SLCO3A1: variants seen among roughly 807,000 people sequenced by gnomAD.
SLCO3A1 encodes PGE1 transporter.
Under a neutral mutation model 63.1 loss-of-function variants are expected in SLCO3A1, and 27 were observed. That is an observed-to-expected ratio of 0.43 (90% confidence interval 0.32 to 0.59). The LOEUF (loss-of-function observed/expected upper bound fraction) is 0.59. SLCO3A1 is among the 20% of genes least tolerant of loss of function. SLCO3A1 has a pLI of 0.09. For synonymous variants in SLCO3A1, 473 were observed against 409.9 expected, an observed-to-expected ratio of 1.15 and a Z score of -1.86; for missense variants, 773 against 945.8, an observed-to-expected ratio of 0.82 and a Z score of 2.40.
chr15:92,099,589 A>G (rs755142699), intron 3 of SLCO3A1, among the ~76,000 whole-genome samples: 30 of 151,880 alleles, frequency 2.0e-4, no homozygotes, highest in Non-Finnish European at 3.5e-4. Context: ...GTTTAACTGT[A>G]TTTCCAGTGA....
At chr15:91,937,672 T>C (rs2151395721) in intron 2 of SLCO3A1, among the ~76,000 whole-genome samples, 1 of 143,608 alleles carries the variant, frequency 7.0e-6, no homozygotes, top group East Asian at 2.1e-4. Context: ...TGAGCCAAGA[T>C]CATGCTACTA....
Position 91,916,105 on chromosome 15 carries a change from A to G in SLCO3A1, c.293A>G (p.Tyr98Cys), listed in dbSNP as rs1898646529. 1.2e-6 allele frequency: 2 copies of G among 1,611,988 alleles called. No homozygotes were observed. Among genetic ancestry groups the G allele is most frequent in the Non-Finnish European group, 1.7e-6 (2 of 1,179,750 alleles). ...GNLALILFVS[Y>C]FGARGHRPRL... ...CTGGCGCTCATCCTCTTCGTGAGCT[A>G]CTTCGGGGCACGCGGGCACCGGCCG... The change falls in exon 2 of 10, where the codon TAC (tyrosine) becomes TGC (cysteine). Residue 98 changes from tyrosine (Y) to cysteine (C), a missense_variant. Physicochemically the swap from Tyr to Cys is radical, Grantham distance 194. Coordinates refer to ENST00000318445, the MANE Select transcript of SLCO3A1 (RefSeq NM_013272.4). This position sits in a 1 kb window ranked among gnomAD's most constrained non-coding sequence, Gnocchi z 6.2.
At chr15:92,061,064 C>G (rs2047080914) in intron 2 of SLCO3A1, among the ~76,000 whole-genome samples, 1 of 152,218 alleles carries the variant, frequency 6.6e-6, no homozygotes, top group South Asian at 2.1e-4. Context: ...CATATTTTGA[C>G]ATCCACAGTA....
At chr15:92,075,196 C>T (rs1160513411) in intron 2 of SLCO3A1, among the ~76,000 whole-genome samples, 2 of 152,184 alleles carry the variant, frequency 1.3e-5, no homozygotes, top group South Asian at 2.1e-4. Flanking sequence ...TGGAGGGAAA[C>T]TTGGTGCTTA....
In SLCO3A1 at chr15:92,030,285, A is replaced by G. The variant is rs78039823; in HGVS notation, c.647-64596A>G. On this transcript the variant is annotated intron_variant, in intron 2 of 9. Coordinates refer to ENST00000318445, the MANE Select transcript of SLCO3A1 (RefSeq NM_013272.4). ...GATTATGAATTGATGCTTTTCTTAG[A>G]TGAATACCAAGAGAAAAGAACTTTA... is the stretch of plus-strand genomic sequence containing the variant. 6.7e-4 allele frequency among the ~76,000 whole-genome samples: 102 copies of G among 152,240 alleles called. 3 individuals carry two copies. In the East Asian group the frequency reaches 0.014, roughly 21 times the overall value.
At chr15:91,880,127 G>GTCCATCCA (rs1393276571) in intron 1 of SLCO3A1, among the ~76,000 whole-genome samples, 22 of 124,168 alleles carry the variant, frequency 1.8e-4, no homozygotes, top group Admixed American at 1.3e-3. Context: ...CCGTCCGTCC[G>GTCCATCCA]TCCGTCCATC....
chr15:92,121,668 G>A lies in SLCO3A1; in HGVS notation c.1174+1039G>A, dbSNP rs567993228. 6.6e-5 allele frequency among the ~76,000 whole-genome samples: 10 copies of A among 152,218 alleles called. No homozygotes were observed. In the East Asian group the frequency reaches 9.6e-4, roughly 15 times the overall value. ...TTGAGGACATCGGAGTGGAATTTAC[G>A]TAGGAAAAAATGTGTAGAGTTAAAA... is the stretch of plus-strand genomic sequence containing the variant. On this transcript the variant is annotated intron_variant, in intron 5 of 9. Transcript: ENST00000318445.
At chr15:92,004,507 A>C (rs189163971) in intron 2 of SLCO3A1, among the ~76,000 whole-genome samples, 1 of 152,364 alleles carries the variant, frequency 6.6e-6, no homozygotes, top group Non-Finnish European at 1.5e-5. Context: ...CAGCATTAGA[A>C]GAGTAGATGC....
At chr15:92,008,258 C>G (rs1235512290) in intron 2 of SLCO3A1, among the ~76,000 whole-genome samples, 1 of 152,150 alleles carries the variant, frequency 6.6e-6, no homozygotes, top group Admixed American at 6.5e-5. Context: ...AAAACCTGGA[C>G]CCAGCAAGTG....
At chr15:92,035,463 TAAG>T (rs2046713745) in intron 2 of SLCO3A1, among the ~76,000 whole-genome samples, 1 of 151,816 alleles carries the variant, frequency 6.6e-6, no homozygotes, top group South Asian at 2.1e-4. Flanking sequence ...TTATTAATTC[TAAG>T]AAGACTCTTG....
At chr15:92,098,095 G>A (rs951973756) in intron 3 of SLCO3A1, 7 of 152,386 alleles carry the variant, frequency 4.6e-5, no homozygotes, top group African/African-American at 7.2e-5. Context: ...AATTTGTGGG[G>A]AAGGAGCAAG....
chr15:92,039,707 A>G (rs914448722), intron 2 of SLCO3A1, among the ~76,000 whole-genome samples: 5 of 152,222 alleles, frequency 3.3e-5, no homozygotes, highest in African/African-American at 1.2e-4. Flanking sequence ...CAGCAATCCC[A>G]TTACTGGGTA....
intron 2 of SLCO3A1, among the ~76,000 whole-genome samples, chr15:92,023,473 C>CTT (rs542071331): frequency 7.0e-6 from 1 of 143,680 alleles, no homozygotes; most frequent in African/African-American, 2.5e-5. Flanking sequence ...AATTTTTTTT[C>CTT]TTTTTTTTTT....
At position 91,968,089 on chromosome 15, in the gene SLCO3A1, C is replaced by T. The variant is rs1451726502; in HGVS notation, c.646+51631C>T. ...CCCTGCCTAGTCGCCCTGGAAAGTA[C>T]CCAGGGAAGCCACTTACGGCCTATC... On this transcript the variant is annotated intron_variant, in intron 2 of 9. Coordinates refer to ENST00000318445, the MANE Select transcript of SLCO3A1 (RefSeq NM_013272.4). The surrounding 1 kb of genome is among the most constrained non-coding windows in gnomAD (Gnocchi z 4.2). Among the ~76,000 whole-genome samples, 1 of 152,108 alleles carries T rather than the reference C, an allele frequency of 6.6e-6. No individual in the cohort carries two copies. Among genetic ancestry groups the T allele is most frequent in the Non-Finnish European group, 1.5e-5 (1 of 68,022 alleles).
chr15:91,940,280 G>C lies in SLCO3A1; in HGVS notation c.646+23822G>C, dbSNP rs114672914. The stretch of plus-strand genomic sequence containing the variant: ...CGGGGTCCTGATACCTGCCCTTTCT[G>C]ATACACGTGCAATCCAATAGATGAC... On this transcript the variant is annotated intron_variant, in intron 2 of 9. Transcript: ENST00000318445. 4.6e-3 allele frequency among the ~76,000 whole-genome samples: 695 copies of C among 152,194 alleles called. 4 individuals carry two copies. Among genetic ancestry groups the C allele is most frequent in the African/African-American group, 0.016 (644 of 41,516 alleles).
At chr15:92,160,459 G>A (rs990331271) in intron 9 of SLCO3A1, among the ~76,000 whole-genome samples, 3 of 152,030 alleles carry the variant, frequency 2.0e-5, no homozygotes, top group African/African-American at 4.8e-5. Flanking sequence ...GAGACACCTG[G>A]GCAGCCTTTG....
intron 2 of SLCO3A1, among the ~76,000 whole-genome samples, chr15:92,083,584 T>C (rs1039896946): frequency 6.6e-6 from 1 of 152,256 alleles, no homozygotes; most frequent in Admixed American, 6.5e-5. Flanking sequence ...TTCAGAAGTA[T>C]GTTCTTCAGA....
chr15:91,880,691 T>C (rs1597084716), intron 1 of SLCO3A1, among the ~76,000 whole-genome samples: 1 of 152,092 alleles, frequency 6.6e-6, no homozygotes, highest in African/African-American at 2.4e-5. Context: ...CATATATCAA[T>C]AATTCATTTC....
intron 7 of SLCO3A1, among the ~76,000 whole-genome samples, chr15:92,139,917 CA>C (rs2048107688): frequency 6.7e-6 from 1 of 149,250 alleles, no homozygotes; most frequent in South Asian, 2.1e-4. Flanking sequence ...TTGATCCTTT[CA>C]AAAAACCAGC....
Sources: allele counts gnomAD v4.1 joint callset (sites outside exome capture counted in the v4.1 genomes callset), GRCh38; gene constraint gnomAD v4.1.1; non-coding constraint Gnocchi (gnomAD v3.1); transcripts MANE v1.5; gene names NCBI Gene and HGNC (gene_info 2026-07-23, HGNC 2026-07-21).